The following CHD9 variants were observed in gnomAD, a reference collection of about 807,000 sequenced individuals.
The protein encoded by CHD9 is chromodomain helicase DNA binding protein 9, also known as ATP-dependent chromatin remodeler CHD9.
In CHD9, 77 loss-of-function variants were observed where a neutral mutation model predicts 316.1. That is an observed-to-expected ratio of 0.24 (90% confidence interval 0.20 to 0.29). The LOEUF is 0.29. Ranked by LOEUF, CHD9 falls within the 10% of genes least tolerant of loss-of-function variation. The pLI is 1.00. For missense variants in CHD9, 2,763 were observed against 3,438.1 expected (o/e 0.80, Z 4.91); for synonymous variants, 1,129 against 1,158.3 (o/e 0.97, Z 0.51).
At chr16:53,266,304 A>G (rs1002606612) in intron 20 of CHD9, among the ~76,000 whole-genome samples, 3 of 152,210 alleles carry the variant, frequency 2.0e-5, no homozygotes, top group Admixed American at 1.3e-4. Context: ...CATGCCCCTT[A>G]AATATAATGC....
intron 1 of CHD9, among the ~76,000 whole-genome samples, chr16:53,093,679 G>A (rs1202391472): frequency 6.6e-6 from 1 of 152,152 alleles, no homozygotes; most frequent in Non-Finnish European, 1.5e-5. Flanking sequence ...ATCAGGCAAA[G>A]GCGGTATGAT....
At chr16:53,164,380 C>T (rs1197246739) in intron 2 of CHD9, among the ~76,000 whole-genome samples, 3 of 152,078 alleles carry the variant, frequency 2.0e-5, no homozygotes, top group African/African-American at 4.8e-5. Context: ...TCAAGACCAG[C>T]CTGAGAAACC....
In CHD9 at chr16:53,186,702, A is replaced by C. The variant is rs994817464; in HGVS notation, c.1453-22780A>C. 2.0e-5 allele frequency among the ~76,000 whole-genome samples: 3 copies of C among 152,300 alleles called. No individual in the cohort carries two copies. The East Asian group carries it at 5.8e-4, about 29-fold the overall frequency. On this transcript the variant is annotated intron_variant, in intron 2 of 38. Transcript: ENST00000447540. ...TTGTGGGAAGGACCAGGTGGAGATA[A>C]TTGAATCATGGGGGTGGTTTTCCCC...
At position 53,222,711 on chromosome 16, in the gene CHD9, G is replaced by T; in HGVS notation, c.1852G>T (p.Ala618Ser). Residue 618 changes from alanine to serine, a missense_variant, in exon 4 of 39, where the codon GCA becomes TCA. Physicochemically the swap from Ala to Ser is moderately conservative, Grantham distance 99. Around this residue, in one of 15 missense-constraint regions of CHD9, gnomAD observed 859 missense variants for 890.4 expected, o/e 0.96. Transcript: ENST00000447540. ...KNESSDEISD[A>S]EQMPQHTLKD... ...TGAGTCTTCAGATGAAATATCTGAT[G>T]CAGAACAGATGCCACAGCATACATT... 6.3e-7 allele frequency: 1 copy of T among 1,580,226 alleles called. No homozygotes were observed. The highest frequency in any genetic ancestry group is 8.6e-7 in the Non-Finnish European group (1 of 1,158,594).
intron 1 of CHD9, among the ~76,000 whole-genome samples, chr16:53,105,980 G>C (rs1351348764): frequency 6.6e-6 from 1 of 152,010 alleles, no homozygotes; most frequent in Non-Finnish European, 1.5e-5. Flanking sequence ...CTGCCACTAT[G>C]CCTGGCTAAT....
chr16:53,204,958 C>T (rs1223364533), intron 2 of CHD9, among the ~76,000 whole-genome samples: 1 of 152,116 alleles, frequency 6.6e-6, no homozygotes, highest in Non-Finnish European at 1.5e-5. Context: ...ATTCTCCTGC[C>T]TCAGCCCCCT....
At position 53,144,837 on chromosome 16, in the gene CHD9, T is replaced by G. The variant is rs1028555485; in HGVS notation, c.-164-11089T>G. Reference sequence around the variant, plus strand: ...CCACGCCCAGCCTACAACATATTTTTAAAAATCAGCCAGGCATGGTGGCAC... The same window carrying G: ...CCACGCCCAGCCTACAACATATTTTGAAAAATCAGCCAGGCATGGTGGCAC... On this transcript the variant is annotated intron_variant, in intron 1 of 38. Coordinates refer to ENST00000447540, the MANE Select transcript of CHD9 (RefSeq NM_001308319.2). Among the ~76,000 whole-genome samples the G allele has an allele frequency of 7.2e-5, 11 of 151,916 alleles. No homozygotes were observed. The East Asian group carries it at 2.1e-3, about 30-fold the overall frequency.
rs1166313001 is a variant in CHD9 at position 53,226,520 on chromosome 16, T to C, written c.2043+8T>C. On this transcript the variant is annotated splice_region_variant and intron_variant, in intron 5 of 38. Transcript: ENST00000447540. ...CCTTTACAATTGTTTGTGGTAAGCA[T>C]ATTTGGGATTATGACTGCAAAACAT... 6.3e-7 allele frequency: 1 copy of C among 1,591,172 alleles called. No individual in the cohort carries two copies. Among genetic ancestry groups the C allele is most frequent in the Admixed American group, 1.9e-5 (1 of 52,584 alleles).
At chr16:53,309,714 C>G (rs988031883) in intron 34 of CHD9, among the ~76,000 whole-genome samples, 2 of 152,130 alleles carry the variant, frequency 1.3e-5, no homozygotes, top group Non-Finnish European at 2.9e-5. Context: ...ACGATCCTCC[C>G]ACCTGGCCTC....
At chr16:53,224,789 C>G (rs1320457648) in intron 4 of CHD9, among the ~76,000 whole-genome samples, 4 of 152,052 alleles carry the variant, frequency 2.6e-5, no homozygotes, top group Non-Finnish European at 5.9e-5. Context: ...CTATATGGTG[C>G]CCATAATAGA....
At chr16:53,260,057 A>G (rs1262268946) in intron 19 of CHD9, among the ~76,000 whole-genome samples, 1 of 152,250 alleles carries the variant, frequency 6.6e-6, no homozygotes, top group Non-Finnish European at 1.5e-5. Context: ...ACTTGCACGT[A>G]GTTAGATGTC....
intron 1 of CHD9, among the ~76,000 whole-genome samples, chr16:53,146,263 G>A (rs2040569056): frequency 6.8e-6 from 1 of 148,076 alleles, no homozygotes; most frequent in East Asian, 2.0e-4. Context: ...CATTGTGACG[G>A]GCGCCTGTAA....
intron 1 of CHD9, among the ~76,000 whole-genome samples, chr16:53,129,330 C>G (rs955551399): frequency 2.0e-5 from 3 of 152,196 alleles, no homozygotes; most frequent in Non-Finnish European, 4.4e-5. Context: ...AAAGCACTAT[C>G]CAAATAAGTG....
intron 1 of CHD9, among the ~76,000 whole-genome samples, chr16:53,101,336 G>A (rs1159187317): frequency 6.9e-6 from 1 of 143,954 alleles, no homozygotes; most frequent in East Asian, 2.0e-4. Flanking sequence ...GTGCATCGGT[G>A]CAATCACAGC....
chr16:53,321,400 GATTACCT>G, intron 37 of CHD9, 119 bp from the exon 38 acceptor site: 1 of 1,390,312 alleles, frequency 7.2e-7, no homozygotes, highest in Non-Finnish European at 9.3e-7. Context: ...TAATCATAAA[GATTACCT>G]AAGGTGGTTC....
At chr16:53,312,190 C>T (rs1348691677) in intron 34 of CHD9, among the ~76,000 whole-genome samples, 1 of 152,072 alleles carries the variant, frequency 6.6e-6, no homozygotes, top group Non-Finnish European at 1.5e-5. Flanking sequence ...TTAAGTACTT[C>T]TATTTTTTAT....
chr16:53,064,383 C>G (rs1346386780), intron 1 of CHD9, among the ~76,000 whole-genome samples: 1 of 151,956 alleles, frequency 6.6e-6, no homozygotes, highest in Non-Finnish European at 1.5e-5. Context: ...TGTCGTAGCA[C>G]TTTTTTTTGC....
intron 3 of CHD9, among the ~76,000 whole-genome samples, chr16:53,210,595 T>C (rs568240758): frequency 2.6e-5 from 4 of 152,082 alleles, no homozygotes; most frequent in Admixed American, 2.0e-4. Context: ...TTTAGAATTG[T>C]TTTTTCAGGA....
chr16:53,139,404 T>A (rs2152702821), intron 1 of CHD9, among the ~76,000 whole-genome samples: 1 of 152,250 alleles, frequency 6.6e-6, no homozygotes, highest in South Asian at 2.1e-4. Flanking sequence ...ATACTACAAA[T>A]ATAAATATGC....
Sources: allele counts gnomAD v4.1 joint callset (sites outside exome capture counted in the v4.1 genomes callset), GRCh38; gene constraint gnomAD v4.1.1; regional missense constraint gnomAD v4.1.1; transcripts MANE v1.5; gene names NCBI Gene and HGNC (gene_info 2026-07-23, HGNC 2026-07-21).